MSI2: variants seen among roughly 807,000 people sequenced by gnomAD.
MSI2 encodes musashi RNA binding protein 2.
In MSI2, 17 loss-of-function variants were observed where a neutral mutation model predicts 45.6. The observed-to-expected ratio is 0.37, with a 90% CI of 0.26 to 0.56. MSI2 has a LOEUF of 0.56. MSI2 is among the 20% of genes least tolerant of loss of function. MSI2 has a pLI of 0.77. For synonymous variants in MSI2, 156 were observed against 158.2 expected, an observed-to-expected ratio of 0.99 and a Z score of 0.11; for missense variants, 293 against 444.2, an observed-to-expected ratio of 0.66 and a Z score of 3.06.
chr17:57,523,627 C>T (rs749570887), intron 6 of MSI2: 33 of 152,228 alleles, frequency 2.2e-4, no homozygotes, highest in Non-Finnish European at 3.8e-4. Flanking sequence ...TCTCTTGGCG[C>T]TTCTAGGATC....
chr17:57,287,173 C>G (rs1009800534), intron 5 of MSI2, among the ~76,000 whole-genome samples: 13 of 150,700 alleles, frequency 8.6e-5, no homozygotes, highest in African/African-American at 3.2e-4. Flanking sequence ...ATAATAGGAC[C>G]CTTTCTGAGG....
chr17:57,266,331 C>A (rs1343198719), intron 5 of MSI2: 1 of 152,078 alleles, frequency 6.6e-6, no homozygotes, highest in Admixed American at 6.6e-5. Context: ...CCGCAAATGT[C>A]TGTTGATCTT....
chr17:57,538,953 G>C (rs914920989), intron 7 of MSI2, among the ~76,000 whole-genome samples: 1 of 152,170 alleles, frequency 6.6e-6, no homozygotes, highest in Non-Finnish European at 1.5e-5. Flanking sequence ...CATTGGGTTA[G>C]CCTGAAGCTT....
rs559080957 is a variant in MSI2, at chr17:57,488,685, A to G, written c.406-40991A>G. 3.6e-4 allele frequency among the ~76,000 whole-genome samples: 55 copies of G among 152,168 alleles called. 2 individuals carry two copies. The South Asian group carries it at 0.011, about 31-fold the overall frequency. ...AAAAAATACAAAAAATTATCTGGGT[A>G]TGGTGGTGTGTGCCTGTAATCCCAG... On this transcript the variant is annotated intron_variant, in intron 6 of 13. Transcript: ENST00000284073.
At chr17:57,486,485 T>C (rs2143779351) in intron 6 of MSI2, among the ~76,000 whole-genome samples, 1 of 152,342 alleles carries the variant, frequency 6.6e-6, no homozygotes, top group East Asian at 1.9e-4. Context: ...GAAATAGTGT[T>C]TATATAACCT....
chr17:57,398,409 G>A (rs921690602), intron 5 of MSI2, among the ~76,000 whole-genome samples: 5 of 152,100 alleles, frequency 3.3e-5, no homozygotes, highest in Non-Finnish European at 5.9e-5. Context: ...CTTGGCTGGG[G>A]TAAGGGAAAA....
At position 57,627,997 on chromosome 17, in the gene MSI2, T is replaced by C. The variant is rs753824411; in HGVS notation, c.727+694T>C. The stretch of plus-strand genomic sequence containing the variant: ...GGAGAAGCAGCGAGGGGAAACATGG[T>C]CTTGTAGGGATGGGGTAGGGACAAT... On this transcript the variant is annotated intron_variant, in intron 10 of 13. Transcript: ENST00000284073. This position sits in a 1 kb window ranked among gnomAD's most constrained non-coding sequence, Gnocchi z 4.6. 2 of 153,266 alleles carry C rather than the reference T, an allele frequency of 1.3e-5. No individual in the cohort carries two copies. The highest frequency in any genetic ancestry group is 4.8e-5 in the African/African-American group (2 of 41,454). The allele number at this position is 153,266 out of a possible 1,614,324, so 9.5% of individuals were successfully genotyped here. A position where few individuals can be genotyped will look rare whatever the true frequency, so the allele number is the denominator to read the frequency against.
chr17:57,630,509 G>A (rs1319408902), intron 10 of MSI2: 1 of 152,244 alleles, frequency 6.6e-6, no homozygotes, highest in Non-Finnish European at 1.5e-5. Context: ...CTCTCAGGGA[G>A]GGCAAGAGTG....
intron 6 of MSI2, among the ~76,000 whole-genome samples, chr17:57,478,280 G>A (rs914689548): frequency 6.6e-6 from 1 of 152,216 alleles, no homozygotes; most frequent in African/African-American, 2.4e-5. Context: ...AGGCAGAATC[G>A]ATGGCACCTA....
chr17:57,430,137 C>T (rs894021950), intron 6 of MSI2, among the ~76,000 whole-genome samples: 3 of 152,098 alleles, frequency 2.0e-5, no homozygotes, highest in East Asian at 1.9e-4. Context: ...AGGTTGTTAG[C>T]GTGTGACCAT....
intron 7 of MSI2, among the ~76,000 whole-genome samples, chr17:57,594,639 G>T (rs114229883): frequency 6.6e-6 from 1 of 152,186 alleles, no homozygotes; most frequent in African/African-American, 2.4e-5. Flanking sequence ...ATAGGATAGC[G>T]TTCCCAGCAG....
intron 6 of MSI2, among the ~76,000 whole-genome samples, chr17:57,462,053 G>A (rs957349082): frequency 3.9e-5 from 6 of 152,226 alleles, no homozygotes; most frequent in African/African-American, 1.4e-4. Flanking sequence ...GTTGGTTCCT[G>A]CTGAGGGCTC....
At chr17:57,437,103 G>T (rs2084704244) in intron 6 of MSI2, among the ~76,000 whole-genome samples, 1 of 152,154 alleles carries the variant, frequency 6.6e-6, no homozygotes, top group Non-Finnish European at 1.5e-5. Context: ...TGATGAGGAG[G>T]GAATTTCAGG....
At chr17:57,635,432 C>CTA (rs2144635699) in intron 10 of MSI2, among the ~76,000 whole-genome samples, 1 of 152,372 alleles carries the variant, frequency 6.6e-6, no homozygotes, top group South Asian at 2.1e-4. Context: ...TTGGCTCCAT[C>CTA]CCTCTCTCCC....
intron 6 of MSI2, among the ~76,000 whole-genome samples, chr17:57,486,948 G>A (rs2085766174): frequency 6.6e-6 from 1 of 152,216 alleles, no homozygotes; most frequent in Non-Finnish European, 1.5e-5. Flanking sequence ...TACAAGGCAA[G>A]TAAGTACTGG....
At chr17:57,319,981 T>C (rs17833985) in intron 5 of MSI2, among the ~76,000 whole-genome samples, 14,946 of 152,136 alleles carry the variant, frequency 0.098, 878 homozygotes, top group Non-Finnish European at 0.14. Context: ...AGATCCCTTA[T>C]TGTTCCTCAA....
intron 13 of MSI2, among the ~76,000 whole-genome samples, chr17:57,678,017 T>A (rs1913355004): frequency 6.6e-6 from 1 of 152,202 alleles, no homozygotes; most frequent in African/African-American, 2.4e-5. Context: ...TGGATTCCAC[T>A]CGGAAAATCC....
chr17:57,588,104 G>T (rs1180735428), intron 7 of MSI2, among the ~76,000 whole-genome samples: 1 of 152,062 alleles, frequency 6.6e-6, no homozygotes, highest in African/African-American at 2.4e-5. Context: ...GCTTATTTTG[G>T]GGGGAGGGAG....
intron 8 of MSI2, chr17:57,601,649 A>C (rs1157813142): frequency 6.6e-6 from 1 of 152,234 alleles, no homozygotes; most frequent in Non-Finnish European, 1.5e-5. Flanking sequence ...CTAGAGCTTG[A>C]AATGATGTTG....
Sources: allele counts gnomAD v4.1 joint callset (sites outside exome capture counted in the v4.1 genomes callset), GRCh38; gene constraint gnomAD v4.1.1; non-coding constraint Gnocchi (gnomAD v3.1); transcripts MANE v1.5; gene names NCBI Gene and HGNC (gene_info 2026-07-23, HGNC 2026-07-21).